Variants in NKAIN3 observed in about 807,000 individuals in gnomAD.
NKAIN3 encodes sodium/potassium transporting ATPase interacting 3, also known as sodium/potassium-transporting ATPase subunit beta-1-interacting protein 3.
In NKAIN3, 25 loss-of-function variants were observed where a neutral mutation model predicts 30.2. The ratio of observed to expected loss-of-function variants is 0.83; its 90% CI spans 0.60 to 1.16. The LOEUF (loss-of-function observed/expected upper bound fraction) is 1.16, where lower values mean the gene tolerates loss of function less well. Among genes scored for constraint, NKAIN3 ranks in the 50% most tolerant of loss-of-function variants. The pLI is 0.00. For missense variants in NKAIN3, 225 were observed against 254.1 expected (o/e 0.89, Z 0.78); for synonymous variants, 91 against 89.6 (o/e 1.02, Z -0.09).
intron 3 of NKAIN3, among the ~76,000 whole-genome samples, chr8:62,608,443 A>G (rs1811192303): frequency 1.3e-5 from 2 of 152,198 alleles, no homozygotes; most frequent in South Asian, 4.1e-4. Flanking sequence ...AAAAATGTAC[A>G]TGAATGGACT....
At chr8:62,343,280 T>G (rs12550126) in intron 1 of NKAIN3, among the ~76,000 whole-genome samples, 1 of 151,888 alleles carries the variant, frequency 6.6e-6, no homozygotes, top group Admixed American at 6.6e-5. Flanking sequence ...TATATAGGGT[T>G]GTTGTGAGGA....
At chr8:62,826,403 G>A (rs74926514) in intron 4 of NKAIN3, among the ~76,000 whole-genome samples, 2,398 of 152,268 alleles carry the variant, frequency 0.016, 72 homozygotes, top group African/African-American at 0.055. Context: ...GCTCAAAAAT[G>A]TGATCATCAT....
At chr8:62,837,450 G>C (rs574088780) in intron 4 of NKAIN3, among the ~76,000 whole-genome samples, 19 of 152,176 alleles carry the variant, frequency 1.2e-4, no homozygotes, top group Non-Finnish European at 2.1e-4. Flanking sequence ...ATTCCAGTAA[G>C]GTTTTAGAGT....
chr8:62,520,495 A>G (rs1292232756), intron 1 of NKAIN3, among the ~76,000 whole-genome samples: 1 of 152,138 alleles, frequency 6.6e-6, no homozygotes, highest in Non-Finnish European at 1.5e-5. Flanking sequence ...AAGTGTTTGA[A>G]ATCCTCTGTA....
Position 62,966,343 on chromosome 8 carries a change from C to G in NKAIN3, c.*936C>G. 3 of 984,534 alleles carry G rather than the reference C, an allele frequency of 3.0e-6. No homozygotes were observed. The highest frequency in any genetic ancestry group is 3.6e-6 in the Non-Finnish European group (3 of 829,178). 61.0% of individuals were successfully genotyped at this position (984,534 alleles called of 1,614,324 possible). The stretch of plus-strand genomic sequence containing the variant: ...AACATCAGCTTTTCTTTCTCCTACC[C>G]CTTCCCAATAACCAAGAAAATGATA... On this transcript the variant is annotated 3_prime_UTR_variant, in exon 7 of 7. Transcript: ENST00000623646.
At chr8:62,803,612 G>C (rs1209222110) in intron 4 of NKAIN3, among the ~76,000 whole-genome samples, 1 of 151,982 alleles carries the variant, frequency 6.6e-6, no homozygotes, top group Non-Finnish European at 1.5e-5. Context: ...CACATTCAAA[G>C]CAGTGTGTAG....
At chr8:62,827,646 A>G (rs1245515340) in intron 4 of NKAIN3, among the ~76,000 whole-genome samples, 7 of 152,192 alleles carry the variant, frequency 4.6e-5, no homozygotes, top group African/African-American at 1.4e-4. Context: ...TCACATGAAT[A>G]TGGTAGACCA....
At chr8:62,894,465 GTTTA>G (rs1031311291) in intron 4 of NKAIN3, among the ~76,000 whole-genome samples, 3 of 152,054 alleles carry the variant, frequency 2.0e-5, no homozygotes, top group Non-Finnish European at 2.9e-5. Flanking sequence ...TGTTGTTATT[GTTTA>G]TTTATTATTA....
chr8:62,484,428 C>G (rs571816813), intron 1 of NKAIN3, among the ~76,000 whole-genome samples: 1 of 152,208 alleles, frequency 6.6e-6, no homozygotes, highest in Non-Finnish European at 1.5e-5. Context: ...AGTTGAACTA[C>G]TTCTGCTTTC....
chr8:62,596,188 A>G (rs1473846670), intron 3 of NKAIN3, among the ~76,000 whole-genome samples: 2 of 151,976 alleles, frequency 1.3e-5, no homozygotes, highest in African/African-American at 2.4e-5. Context: ...TTCGGTGGCT[A>G]GCCATCCTGA....
rs1346379273 is a variant in NKAIN3 at position 62,979,824 on chromosome 8, T to C, written c.*14417T>C. On this transcript the variant is annotated 3_prime_UTR_variant, in exon 7 of 7. Coordinates refer to ENST00000623646, the MANE Select transcript of NKAIN3 (RefSeq NM_001304533.3). Reference sequence around the variant, plus strand: ...TTGTTGACTACAATTCAATGCCTTTTTTGCCTGCGTTTGTTTGGACCCTGC... The same window carrying C: ...TTGTTGACTACAATTCAATGCCTTTCTTGCCTGCGTTTGTTTGGACCCTGC... 2.0e-5 allele frequency: 3 copies of C among 152,236 alleles called. No individual in the cohort carries two copies. The East Asian group carries it at 5.8e-4, about 29-fold the overall frequency. The allele number at this position is 152,236 out of a possible 1,614,324, so 9.4% of individuals were successfully genotyped here. A position where few individuals can be genotyped will look rare whatever the true frequency, so the allele number is the denominator to read the frequency against.
Position 62,726,162 on chromosome 8 carries a change from G to C in NKAIN3, c.274-20770G>C, listed in dbSNP as rs982971476. ...TTATTTGCTGTTGGCATATAGAAAT[G>C]CTACTGATTTTGTATGCTAATTTTA... On this transcript the variant is annotated intron_variant, in intron 3 of 6. Coordinates refer to ENST00000623646, the MANE Select transcript of NKAIN3 (RefSeq NM_001304533.3). Among the ~76,000 whole-genome samples, 10 of 152,162 alleles carry C rather than the reference G, an allele frequency of 6.6e-5. No individual in the cohort carries two copies. In the East Asian group the frequency reaches 1.9e-3, roughly 29 times the overall value.
intron 1 of NKAIN3, among the ~76,000 whole-genome samples, chr8:62,318,471 A>T (rs1191107174): frequency 6.6e-6 from 1 of 152,212 alleles, no homozygotes; most frequent in Non-Finnish European, 1.5e-5. Flanking sequence ...GATACATCCC[A>T]TCAATACCTA....
intron 4 of NKAIN3, among the ~76,000 whole-genome samples, chr8:62,861,554 A>C (rs1212365484): frequency 6.6e-6 from 1 of 152,208 alleles, no homozygotes; most frequent in Non-Finnish European, 1.5e-5. Flanking sequence ...ACTGGAGTAC[A>C]AAAGAAAACA....
rs10093462 is a variant in NKAIN3 at position 62,571,571 on chromosome 8, G to A, written c.55-7968G>A. ...CCCAGTGCAGACTCTGCATGGGAGC[G>A]CCAACCCCACATTTCCCTTCCACAC... On this transcript the variant is annotated intron_variant, in intron 1 of 6. Coordinates refer to ENST00000623646, the MANE Select transcript of NKAIN3 (RefSeq NM_001304533.3). 8.7e-4 allele frequency among the ~76,000 whole-genome samples: 133 copies of A among 152,088 alleles called. 1 individual carries two copies. In the Middle Eastern group the frequency reaches 0.021, roughly 23 times the overall value.
At chr8:62,268,138 G>A (rs1812663707) in intron 1 of NKAIN3, among the ~76,000 whole-genome samples, 1 of 152,198 alleles carries the variant, frequency 6.6e-6, no homozygotes, top group Admixed American at 6.5e-5. Context: ...AGGGCTCCCA[G>A]TTGATGTTTC....
At chr8:62,383,833 G>T (rs938801845) in intron 1 of NKAIN3, among the ~76,000 whole-genome samples, 1 of 151,450 alleles carries the variant, frequency 6.6e-6, no homozygotes, top group African/African-American at 2.4e-5. Flanking sequence ...AAAAGCACAA[G>T]GTTTTTTCAC....
At chr8:62,547,644 G>A (rs1809060419) in intron 1 of NKAIN3, among the ~76,000 whole-genome samples, 1 of 152,134 alleles carries the variant, frequency 6.6e-6, no homozygotes, top group South Asian at 2.1e-4. Context: ...AATGGCTTCT[G>A]CCCACCAGCT....
chr8:62,717,846 T>C (rs1814956902), intron 3 of NKAIN3, among the ~76,000 whole-genome samples: 1 of 152,218 alleles, frequency 6.6e-6, no homozygotes, highest in Admixed American at 6.5e-5. Flanking sequence ...GCCTTTAGGT[T>C]ATTTCTTAGC....
Sources: gnomAD v4.1 joint callset for allele counts (sites outside exome capture counted in the v4.1 genomes callset) on GRCh38, gnomAD v4.1.1 for gene constraint, MANE v1.5 for transcripts, NCBI Gene and HGNC (gene_info 2026-07-23, HGNC 2026-07-21) for gene names.